MCC: variants seen among roughly 807,000 people sequenced by gnomAD.
MCC encodes colorectal mutant cancer protein.
MCC carries 90 observed loss-of-function variants against 116.2 expected under a neutral mutation model. The observed-to-expected ratio is 0.77, with a 90% CI of 0.65 to 0.92. MCC has a LOEUF of 0.92. MCC is among the 40% of genes least tolerant of loss of function. MCC has a pLI of 0.00. For synonymous variants in MCC, 578 were observed against 510.5 expected, an observed-to-expected ratio of 1.13 and a Z score of -1.78; for missense variants, 1,516 against 1,312.2, an observed-to-expected ratio of 1.16 and a Z score of -2.40.
chr5:113,199,771 C>A (rs1762592064), intron 3 of MCC, among the ~76,000 whole-genome samples: 1 of 152,312 alleles, frequency 6.6e-6, no homozygotes, highest in Admixed American at 6.5e-5. Context: ...GAGAACAATG[C>A]AACAGACCAC....
chr5:113,369,904 T>TAGAA, intron 2 of MCC, among the ~76,000 whole-genome samples: 1 of 152,298 alleles, frequency 6.6e-6, no homozygotes, highest in East Asian at 1.9e-4. Flanking sequence ...CTTGTCTGTT[T>TAGAA]CCCTCATTAA....
chr5:113,127,509 A>T (rs2150274246), intron 5 of MCC, among the ~76,000 whole-genome samples: 1 of 152,268 alleles, frequency 6.6e-6, no homozygotes, highest in Non-Finnish European at 1.5e-5. Flanking sequence ...CCTCACCAGC[A>T]TCTGTTATTT....
chr5:113,043,485 C>T (rs1168096865), intron 17 of MCC, 45 bp downstream of exon 17: 7 of 1,521,454 alleles, frequency 4.6e-6, no homozygotes, highest in African/African-American at 2.7e-5. Flanking sequence ...ACAAAGTCTC[C>T]ATGCCCAGGA....
chr5:113,069,832 C>T (rs368401753), intron 12 of MCC, among the ~76,000 whole-genome samples: 3 of 152,186 alleles, frequency 2.0e-5, no homozygotes, highest in South Asian at 2.1e-4. Context: ...GTGATCCGCC[C>T]GCCTCGGCCT....
intron 1 of MCC, among the ~76,000 whole-genome samples, chr5:113,480,130 T>C (rs1011052804): frequency 2.0e-5 from 3 of 152,242 alleles, no homozygotes; most frequent in Non-Finnish European, 4.4e-5. Flanking sequence ...GGGAGAATAG[T>C]AGATTATGTT....
intron 8 of MCC, among the ~76,000 whole-genome samples, chr5:113,090,878 G>A (rs1755578424): frequency 6.6e-6 from 1 of 152,194 alleles, no homozygotes; most frequent in African/African-American, 2.4e-5. Context: ...TCATTGCCAA[G>A]GTCAAAAGAC....
rs562169081 is a variant in MCC, at chr5:113,118,448, G to A, written c.1027+4236C>T. Among the ~76,000 whole-genome samples the A allele has an allele frequency of 5.3e-5, 8 of 152,254 alleles. No individual in the cohort carries two copies. The South Asian group carries it at 1.0e-3, about 20-fold the overall frequency. ...AGTCAAAGCACTTTTTAATTGGATCGTTTATTCCTCCAGGCTTGGAAGACA... is the reference window on the plus strand; with the variant it reads ...AGTCAAAGCACTTTTTAATTGGATCATTTATTCCTCCAGGCTTGGAAGACA... On this transcript the variant is annotated intron_variant, in intron 6 of 18. Coordinates refer to ENST00000408903, the MANE Select transcript of MCC (RefSeq NM_001085377.2).
chr5:113,488,221 G>C (rs1772601172), intron 1 of MCC, 24 bp downstream of exon 1: 2 of 1,580,184 alleles, frequency 1.3e-6, no homozygotes, highest in South Asian at 1.1e-5. Flanking sequence ...GCTCCTGTCG[G>C]TTTCCTCGTA....
At chr5:113,384,838 T>C in intron 2 of MCC, 130 bp downstream of exon 2, 2 of 991,586 alleles carry the variant, frequency 2.0e-6, no homozygotes, top group Non-Finnish European at 3.0e-6. Flanking sequence ...CCAGGGAAAG[T>C]GTGGCCAGGA....
At chr5:113,398,260 G>A (rs901610684) in intron 1 of MCC, among the ~76,000 whole-genome samples, 2 of 152,222 alleles carry the variant, frequency 1.3e-5, no homozygotes, top group Non-Finnish European at 2.9e-5. Context: ...TTCAGCCACT[G>A]TGGAAAGCAG....
At chr5:113,137,534 G>A (rs10478111) in intron 5 of MCC, among the ~76,000 whole-genome samples, 132,132 of 152,098 alleles carry the variant, frequency 0.87, 58,012 homozygotes, top group Non-Finnish European at 0.93. Flanking sequence ...CATCCCTATG[G>A]TGAATCCCAC....
intron 3 of MCC, among the ~76,000 whole-genome samples, chr5:113,202,194 G>A (rs1276633292): frequency 1.3e-5 from 2 of 151,616 alleles, no homozygotes; most frequent in African/African-American, 4.9e-5. Flanking sequence ...CTGATTCAAT[G>A]TTCAGTTTTG....
intron 2 of MCC, among the ~76,000 whole-genome samples, chr5:113,355,661 C>G (rs1258647723): frequency 6.6e-6 from 1 of 152,086 alleles, no homozygotes; most frequent in Non-Finnish European, 1.5e-5. Context: ...TAAGCAGCTA[C>G]CTCTTGCTGT....
rs1379923515 is a variant in MCC at position 113,434,538 on chromosome 5, A to C, written c.171-49326T>G. 1 of 1,612,776 alleles carries C rather than the reference A, an allele frequency of 6.2e-7. No homozygotes were observed. The highest frequency in any genetic ancestry group is 2.2e-5 in the East Asian group (1 of 44,818). On this transcript the variant is annotated intron_variant, in intron 1 of 18. Transcript: ENST00000408903. The surrounding 1 kb of genome is among the most constrained non-coding windows in gnomAD (Gnocchi z 4.2). ...ATGCAGGGCTCCCCGGGTTTTGATTAACTCGAGGAGGTCGCCCTGGACCGC... is the reference window on the plus strand; with the variant it reads ...ATGCAGGGCTCCCCGGGTTTTGATTCACTCGAGGAGGTCGCCCTGGACCGC...
chr5:113,284,638 C>CA lies in MCC; in HGVS notation c.627+55880dup, dbSNP rs565607268. The stretch of plus-strand genomic sequence containing the variant: ...CTTCTTCAGGCCTCAGTTTCTTTAT[C>CA]AGTCATGCAAATGGTTAGGACAAGA... On this transcript the variant is annotated intron_variant, in intron 3 of 18. Transcript: ENST00000408903. Among the ~76,000 whole-genome samples, 42 of 152,332 alleles carry CA rather than the reference C, an allele frequency of 2.8e-4. No homozygotes were observed. In the East Asian group the frequency reaches 6.6e-3, roughly 24 times the overall value.
Position 113,104,252 on chromosome 5 carries a change from C to T in MCC, c.1131G>A (p.Glu377=). ...KKSSCSLSVA[E]VDKHIEQLTT... is the part of the protein sequence containing the mutation. ...TGAGCTGCTCAATGTGCTTGTCCACCTCGGCCACGGAGAGGCTGCAGCTGC... is the reference window on the plus strand; with the variant it reads ...TGAGCTGCTCAATGTGCTTGTCCACTTCGGCCACGGAGAGGCTGCAGCTGC... The change falls in exon 7 of 19, where the codon GAG becomes GAA. Residue 377 remains glutamate (E), a synonymous_variant. Transcript: ENST00000408903. The T allele has an allele frequency of 1.2e-6, 2 of 1,614,068 alleles. No individual in the cohort carries two copies. The highest frequency in any genetic ancestry group is 2.2e-5 in the East Asian group (1 of 44,886).
chr5:113,460,512 G>C (rs1771714681), intron 1 of MCC, among the ~76,000 whole-genome samples: 2 of 152,304 alleles, frequency 1.3e-5, no homozygotes, highest in African/African-American at 4.8e-5. Context: ...CAGTGGGTCA[G>C]AGAACTAACT....
chr5:113,206,299 T>C (rs1254762234), intron 3 of MCC, among the ~76,000 whole-genome samples: 2 of 152,226 alleles, frequency 1.3e-5, no homozygotes, highest in African/African-American at 4.8e-5. Context: ...AATCCTATTG[T>C]TCACCCATTT....
intron 3 of MCC, chr5:113,269,210 G>A (rs77068527): frequency 4.1e-6 from 4 of 985,208 alleles, no homozygotes; most frequent in Non-Finnish European, 4.8e-6. Flanking sequence ...CCTCCCTGGC[G>A]TCAGGGCCCC....
Sources: gnomAD v4.1 joint callset for allele counts (sites outside exome capture counted in the v4.1 genomes callset) on GRCh38, gnomAD v4.1.1 for gene constraint, Gnocchi (gnomAD v3.1) non-coding constraint, MANE v1.5 for transcripts, NCBI Gene and HGNC (gene_info 2026-07-23, HGNC 2026-07-21) for gene names.